Variants in STARD9 observed in about 807,000 individuals in gnomAD.
STARD9 encodes the protein StAR related lipid transfer domain containing 9, also known as stAR-related lipid transfer protein 9.
Under a neutral mutation model 399.8 loss-of-function variants are expected in STARD9, and 346 were observed. That is an observed-to-expected ratio of 0.87 (90% CI 0.79 to 0.95). STARD9 has a LOEUF of 0.95. Among genes scored for constraint, STARD9 ranks in the 40% least tolerant of loss-of-function variants. STARD9 has a pLI of 0.00. For synonymous variants in STARD9, 2,203 were observed against 2,143.5 expected, an observed-to-expected ratio of 1.03 and a Z score of -0.77; for missense variants, 5,832 against 5,667.5, an observed-to-expected ratio of 1.03 and a Z score of -0.93.
intron 3 of STARD9, among the ~76,000 whole-genome samples, chr15:42,627,590 TC>T (rs1466926280): frequency 6.6e-6 from 1 of 152,198 alleles, no homozygotes; most frequent in East Asian, 1.9e-4. Flanking sequence ...CCCCTTTCCC[TC>T]TACCGCCACT....
chr15:42,659,223 ACT>A (rs1262483155), intron 9 of STARD9, among the ~76,000 whole-genome samples: 2 of 152,194 alleles, frequency 1.3e-5, no homozygotes, highest in East Asian at 3.9e-4. Flanking sequence ...TATATAAAGA[ACT>A]CTCTAAACAC....
chr15:42,635,557 C>T (rs1398414688), intron 4 of STARD9, among the ~76,000 whole-genome samples: 1 of 152,016 alleles, frequency 6.6e-6, no homozygotes, highest in African/African-American at 2.4e-5. Flanking sequence ...TCTCAATCTC[C>T]TCATCTCGTG....
chr15:42,665,098 G>A (rs2060068150), intron 13 of STARD9, among the ~76,000 whole-genome samples, 155 bp from the exon 14 acceptor site: 2 of 152,108 alleles, frequency 1.3e-5, no homozygotes, highest in Admixed American at 1.3e-4. Context: ...AGGTGAAGTG[G>A]GTGCTGCGGG....
intron 3 of STARD9, among the ~76,000 whole-genome samples, chr15:42,614,849 C>T (rs2141827293): frequency 6.6e-6 from 1 of 152,056 alleles, no homozygotes; most frequent in Admixed American, 6.5e-5. Flanking sequence ...CCTGTAATCC[C>T]AGCTACTCGG....
At chr15:42,647,039 G>C (rs893482193) in intron 7 of STARD9, among the ~76,000 whole-genome samples, 1 of 152,184 alleles carries the variant, frequency 6.6e-6, no homozygotes, top group Non-Finnish European at 1.5e-5. Context: ...TACGATTCTT[G>C]GTGTACCAAC....
rs901436371 is a variant in STARD9 at position 42,691,060 on chromosome 15, A to C, written c.9482A>C (p.His3161Pro). Residue 3161 changes from histidine to proline, a missense_variant, in exon 23 of 33, where the codon CAT becomes CCT. By Grantham distance (77) the His-to-Pro change is moderately conservative (BLOSUM62 -2). Around this residue, in one of 2 missense-constraint regions of STARD9, gnomAD observed 5,828 missense variants for 5,651.1 expected, o/e 1.03. Coordinates refer to ENST00000290607, the MANE Select transcript of STARD9 (RefSeq NM_020759.3). Reference sequence around the variant, plus strand: ...AGCAAGTTGGTGGTAGAGCCACAGCATGAATGTTTAGAAAATACCACTAGA... The same window carrying C: ...AGCAAGTTGGTGGTAGAGCCACAGCCTGAATGTTTAGAAAATACCACTAGA... ...AESKLVVEPQ[H>P]ECLENTTRCF... 15 of 1,537,116 alleles carry C rather than the reference A, an allele frequency of 9.8e-6. No homozygotes were observed. The highest frequency in any genetic ancestry group is 4.8e-5 in the South Asian group (4 of 84,064).
intron 1 of STARD9, among the ~76,000 whole-genome samples, chr15:42,576,155 T>C (rs2058051857): frequency 1.3e-5 from 2 of 152,266 alleles, no homozygotes; most frequent in South Asian, 4.1e-4. Flanking sequence ...GAATGGTGTG[T>C]GTTTCTGGGT....
intron 26 of STARD9, among the ~76,000 whole-genome samples, chr15:42,702,238 C>A (rs1001686213): frequency 3.3e-5 from 5 of 152,236 alleles, no homozygotes; most frequent in Admixed American, 1.3e-4. Context: ...GAGTCTTGCT[C>A]TGTCGCCCAA....
intron 22 of STARD9, among the ~76,000 whole-genome samples, chr15:42,683,788 C>A (rs570236085): frequency 6.6e-6 from 1 of 152,232 alleles, no homozygotes; most frequent in South Asian, 2.1e-4. Flanking sequence ...ATGTATCACT[C>A]TATAGATTTA....
intron 3 of STARD9, among the ~76,000 whole-genome samples, chr15:42,606,329 T>C (rs867498032): frequency 6.6e-6 from 1 of 152,184 alleles, no homozygotes; most frequent in South Asian, 2.1e-4. Context: ...TAGCTGACAA[T>C]TGGAAAATAT....
Position 42,686,298 on chromosome 15 carries a change from T to G in STARD9, c.4720T>G (p.Ser1574Ala). Residue 1574 changes from serine to alanine, a missense_variant, in exon 23 of 33, where the codon TCA becomes GCA. By Grantham distance (99) the Ser-to-Ala change is moderately conservative. Around this residue, in one of 2 missense-constraint regions of STARD9, gnomAD observed 5,828 missense variants for 5,651.1 expected, o/e 1.03. Coordinates refer to ENST00000290607, the MANE Select transcript of STARD9 (RefSeq NM_020759.3). ...TTTAAATGCCAAATTAGAAGGTGTT[T>G]CAGATTTCTTTAGCACTAGTGAGAA... ...DSLNAKLEGV[S>A]DFFSTSEKEA... The G allele has an allele frequency of 6.5e-7, 1 of 1,537,594 alleles. No homozygotes were observed. Among genetic ancestry groups the G allele is most frequent in the South Asian group, 1.2e-5 (1 of 84,064 alleles).
rs1480317067 is a variant in STARD9 at position 42,682,424 on chromosome 15, T to C, written c.2386T>C (p.Trp796Arg). ...KRLEKLTTLCWLQDDSTQEPP... is the reference protein window; with the variant it reads ...KRLEKLTTLCRLQDDSTQEPP... The stretch of plus-strand genomic sequence containing the variant: ...ACTGGAGAAGCTCACGACATTGTGC[T>C]GGCTCCAGGATGACAGCACCCAGGA... The change falls in exon 22 of 33, where the codon TGG (tryptophan) becomes CGG (arginine). Residue 796 changes from tryptophan to arginine, a missense_variant. Physicochemically the swap from Trp to Arg is moderately radical, Grantham distance 101. Coordinates refer to ENST00000290607, the MANE Select transcript of STARD9 (RefSeq NM_020759.3). 1.3e-6 allele frequency: 2 copies of C among 1,537,240 alleles called. No individual in the cohort carries two copies. Among genetic ancestry groups the C allele is most frequent in the South Asian group, 1.2e-5 (1 of 84,066 alleles).
chr15:42,607,371 T>C (rs889087461), intron 3 of STARD9, among the ~76,000 whole-genome samples: 1 of 151,268 alleles, frequency 6.6e-6, no homozygotes, highest in African/African-American at 2.4e-5. Context: ...CGCGGCTAAT[T>C]TTTATATTTT....
chr15:42,718,624 C>A, intron 31 of STARD9, 110 bp downstream of exon 31: 2 of 1,426,764 alleles, frequency 1.4e-6, no homozygotes, highest in South Asian at 1.2e-5. Context: ...CAAATTGGGG[C>A]TGGAGCCAGG....
chr15:42,591,304 G>A lies in STARD9; in HGVS notation c.234+5667G>A, dbSNP rs535742696. Among the ~76,000 whole-genome samples, 5 of 152,182 alleles carry A rather than the reference G, an allele frequency of 3.3e-5. No homozygotes were observed. In the East Asian group the frequency reaches 7.7e-4, roughly 24 times the overall value. On this transcript the variant is annotated intron_variant, in intron 3 of 32. Coordinates refer to ENST00000290607, the MANE Select transcript of STARD9 (RefSeq NM_020759.3). ...GGAGTTCAAGACCAGCCTGGCCAACGTGGCGAAACCCTGTCTCTACTAAAG... is the reference window on the plus strand; with the variant it reads ...GGAGTTCAAGACCAGCCTGGCCAACATGGCGAAACCCTGTCTCTACTAAAG...
At chr15:42,648,956 T>C (rs1269803899) in intron 7 of STARD9, among the ~76,000 whole-genome samples, 1 of 152,098 alleles carries the variant, frequency 6.6e-6, no homozygotes, top group East Asian at 1.9e-4. Flanking sequence ...AGACTGGTTT[T>C]GGACTCCTGG....
At chr15:42,606,447 C>A (rs1402434429) in intron 3 of STARD9, among the ~76,000 whole-genome samples, 1 of 152,112 alleles carries the variant, frequency 6.6e-6, no homozygotes, top group East Asian at 1.9e-4. Flanking sequence ...ATGTGCAGAA[C>A]ACCACCTATT....
intron 3 of STARD9, 122 bp downstream of exon 3, chr15:42,585,759 C>T: frequency 2.0e-6 from 1 of 506,806 alleles, no homozygotes; most frequent in Non-Finnish European, 3.3e-6. Context: ...TGGAAGTACT[C>T]TAATTGGTAC....
rs117222419 is a variant in STARD9, at chr15:42,589,350, C to T, written c.234+3713C>T. Among the ~76,000 whole-genome samples the T allele has an allele frequency of 2.2e-4, 33 of 152,218 alleles. 1 individual carries two copies. The East Asian group carries it at 6.2e-3, about 28-fold the overall frequency. On this transcript the variant is annotated intron_variant, in intron 3 of 32. Coordinates refer to ENST00000290607, the MANE Select transcript of STARD9 (RefSeq NM_020759.3). ...TATAGGCATGAGTCACCACGCTTGG[C>T]CAAATTCACCTTTTTAATGTACAGT...
Sources: allele counts gnomAD v4.1 joint callset (sites outside exome capture counted in the v4.1 genomes callset), GRCh38; gene constraint gnomAD v4.1.1; regional missense constraint gnomAD v4.1.1; transcripts MANE v1.5; gene names NCBI Gene and HGNC (gene_info 2026-07-23, HGNC 2026-07-21).